GRIA1: variants seen among roughly 807,000 people sequenced by gnomAD.
GRIA1 encodes the protein glutamate receptor 1.
Under a neutral mutation model 99.2 loss-of-function variants are expected in GRIA1, and 31 were observed. The ratio of observed to expected loss-of-function variants is 0.31; its 90% confidence interval spans 0.23 to 0.42. GRIA1 has a LOEUF of 0.42. GRIA1 is among the 10% of genes least tolerant of loss of function. The pLI is 1.00. For synonymous variants in GRIA1, 438 were observed against 432.4 expected (o/e 1.01, Z -0.16); for missense variants, 782 against 1,157.5 (o/e 0.68, Z 4.71).
At chr5:153,562,067 A>C (rs1398903469) in intron 2 of GRIA1, among the ~76,000 whole-genome samples, 1 of 152,032 alleles carries the variant, frequency 6.6e-6, no homozygotes. Context: ...TTGGGGGGTA[A>C]GACTTTGAGA....
At chr5:153,700,322 T>A (rs1758426685) in intron 10 of GRIA1, among the ~76,000 whole-genome samples, 1 of 152,056 alleles carries the variant, frequency 6.6e-6, no homozygotes. Flanking sequence ...GAGATAGAGG[T>A]TGCAGTGAGC....
At chr5:153,639,033 G>A (rs1477172149) in intron 2 of GRIA1, among the ~76,000 whole-genome samples, 1 of 152,202 alleles carries the variant, frequency 6.6e-6, no homozygotes, top group Non-Finnish European at 1.5e-5. Flanking sequence ...AGCCACGTCT[G>A]TGCTGGAACT....
rs370459134 is a variant in GRIA1, at chr5:153,538,046, G to A, written c.220+43981G>A. On this transcript the variant is annotated intron_variant, in intron 2 of 15. Coordinates refer to ENST00000285900, the MANE Select transcript of GRIA1 (RefSeq NM_000827.4). Reference sequence around the variant, plus strand: ...CTGGGCTGGAATCTGAGAAACCTGAGACTGATTTGTTCTAATCATCATCCT... The same window carrying A: ...CTGGGCTGGAATCTGAGAAACCTGAAACTGATTTGTTCTAATCATCATCCT... Among the ~76,000 whole-genome samples, 6 of 152,250 alleles carry A rather than the reference G, an allele frequency of 3.9e-5. No individual in the cohort carries two copies. In the East Asian group the frequency reaches 5.8e-4, roughly 15 times the overall value.
At chr5:153,552,956 G>C (rs934029228) in intron 2 of GRIA1, among the ~76,000 whole-genome samples, 22 of 152,142 alleles carry the variant, frequency 1.4e-4, no homozygotes, top group African/African-American at 5.1e-4. Flanking sequence ...GTAGAAACAG[G>C]GTCTTGCTAT....
At chr5:153,578,663 C>G (rs1238400286) in intron 2 of GRIA1, among the ~76,000 whole-genome samples, 1 of 152,242 alleles carries the variant, frequency 6.6e-6, no homozygotes, top group Non-Finnish European at 1.5e-5. Flanking sequence ...AATCCCAGCA[C>G]TTTGGGAGCC....
chr5:153,555,193 C>T (rs1009272696), intron 2 of GRIA1, among the ~76,000 whole-genome samples: 10 of 151,656 alleles, frequency 6.6e-5, no homozygotes, highest in Admixed American at 3.3e-4. Context: ...ACTACAGCAG[C>T]GTTTTGCAAC....
chr5:153,641,093 C>T (rs1753749695), intron 2 of GRIA1, among the ~76,000 whole-genome samples: 1 of 152,004 alleles, frequency 6.6e-6, no homozygotes, highest in African/African-American at 2.4e-5. Flanking sequence ...GTGATTCCCA[C>T]CAATAAGGAT....
At chr5:153,733,817 C>G (rs1177950261) in intron 11 of GRIA1, among the ~76,000 whole-genome samples, 1 of 152,030 alleles carries the variant, frequency 6.6e-6, no homozygotes, top group Non-Finnish European at 1.5e-5. Context: ...GATATAATAA[C>G]TATAAATATA....
chr5:153,797,164 G>A (rs1380054197), intron 14 of GRIA1, among the ~76,000 whole-genome samples: 1 of 152,204 alleles, frequency 6.6e-6, no homozygotes, highest in African/African-American at 2.4e-5. Context: ...TAGAGACTTT[G>A]GGCTCCAGCT....
chr5:153,650,671 T>C lies in GRIA1; in HGVS notation c.645+157T>C, dbSNP rs573356203. 8.6e-4 allele frequency among the ~76,000 whole-genome samples: 131 copies of C among 152,004 alleles called. 1 individual carries two copies. Among genetic ancestry groups the C allele is most frequent in the Middle Eastern group, 3.4e-3 (1 of 294 alleles). ...ATCTCATTTTCTATAATTCACAAAA[T>C]TTAATTCTGAAATAGCACAAACAAT... On this transcript the variant is annotated intron_variant, in intron 4 of 15. Coordinates refer to ENST00000285900, the MANE Select transcript of GRIA1 (RefSeq NM_000827.4).
At chr5:153,779,789 T>C (rs547519672) in intron 13 of GRIA1, among the ~76,000 whole-genome samples, 2 of 152,278 alleles carry the variant, frequency 1.3e-5, no homozygotes, top group South Asian at 4.1e-4. Flanking sequence ...CTCAAACTCC[T>C]GACTTCATGA....
chr5:153,801,377 G>A (rs889192337), intron 14 of GRIA1, among the ~76,000 whole-genome samples: 8 of 147,756 alleles, frequency 5.4e-5, no homozygotes, highest in African/African-American at 2.1e-4. Context: ...GGAAGGTGTT[G>A]TCCCTCAGAC....
At chr5:153,594,619 C>A (rs925329460) in intron 2 of GRIA1, among the ~76,000 whole-genome samples, 13 of 151,990 alleles carry the variant, frequency 8.6e-5, no homozygotes, top group Admixed American at 7.9e-4. Flanking sequence ...ATTTTAATTT[C>A]TCCCTCTCCC....
intron 11 of GRIA1, among the ~76,000 whole-genome samples, chr5:153,725,400 T>C (rs929604563): frequency 1.3e-5 from 2 of 148,580 alleles, no homozygotes; most frequent in Non-Finnish European, 3.0e-5. Flanking sequence ...CATAAGAATA[T>C]TAACTTTAAA....
intron 11 of GRIA1, among the ~76,000 whole-genome samples, chr5:153,712,633 T>C (rs1307652907): frequency 1.5e-5 from 2 of 129,820 alleles, no homozygotes; most frequent in African/African-American, 3.0e-5. Context: ...TGAGAGTAAA[T>C]ATTGAGGCAA....
chr5:153,613,640 T>C (rs1457836321), intron 2 of GRIA1, among the ~76,000 whole-genome samples: 1 of 152,196 alleles, frequency 6.6e-6, no homozygotes. Flanking sequence ...AATTGTGATT[T>C]TGCCATTACT....
chr5:153,629,246 A>C (rs1015380416), intron 2 of GRIA1, among the ~76,000 whole-genome samples: 5 of 152,104 alleles, frequency 3.3e-5, no homozygotes, highest in Admixed American at 6.6e-5. Context: ...GCTTTGGGTA[A>C]AGCTGAAACA....
At chr5:153,652,855 T>G (rs553597764) in intron 4 of GRIA1, among the ~76,000 whole-genome samples, 1 of 152,200 alleles carries the variant, frequency 6.6e-6, no homozygotes. Context: ...CTACAACTTA[T>G]ATCTCTGACT....
chr5:153,776,893 G>A (rs1286823871), intron 13 of GRIA1, among the ~76,000 whole-genome samples: 1 of 152,150 alleles, frequency 6.6e-6, no homozygotes, highest in African/African-American at 2.4e-5. Context: ...AGTCCAGTAG[G>A]CCTTCCCTGG....
Sources: allele counts gnomAD v4.1 joint callset (sites outside exome capture counted in the v4.1 genomes callset), GRCh38; gene constraint gnomAD v4.1.1; transcripts MANE v1.5; gene names NCBI Gene and HGNC (gene_info 2026-07-23, HGNC 2026-07-21).